IFT140: variants seen among roughly 807,000 people sequenced by gnomAD.
IFT140 encodes intraflagellar transport 140.
Under a neutral mutation model 164.6 loss-of-function variants are expected in IFT140, and 133 were observed. The observed-to-expected ratio is 0.81, with a 90% CI of 0.70 to 0.93. The LOEUF (loss-of-function observed/expected upper bound fraction) is 0.93. Among genes scored for constraint, IFT140 ranks in the 40% least tolerant of loss-of-function variants. The pLI is 0.00. For synonymous variants in IFT140, 860 were observed against 817.3 expected (o/e 1.05, Z -0.89); for missense variants, 2,045 against 1,972.3 (o/e 1.04, Z -0.70).
At chr16:1,534,187 C>A in intron 19 of IFT140, 1 of 1,541,280 alleles carries the variant, frequency 6.5e-7, no homozygotes, top group Non-Finnish European at 8.7e-7. Context: ...GTCCTCTAGC[C>A]ACCCCTAGCA....
chr16:1,554,930 G>A, intron 19 of IFT140: 1 of 1,614,210 alleles, frequency 6.2e-7, no homozygotes, highest in Non-Finnish European at 8.5e-7. Flanking sequence ...ACAAGAGGGA[G>A]GACTGCATGG....
chr16:1,580,723 C>G, intron 13 of IFT140, 36 bp downstream of exon 13: 2 of 1,415,018 alleles, frequency 1.4e-6, no homozygotes, highest in Non-Finnish European at 2.0e-6. Context: ...ATTTCAAACT[C>G]TGCTCTGGTT....
Position 1,510,952 on chromosome 16 carries a change from C to G in IFT140, c.4381G>C (p.Asp1461His), listed in dbSNP as rs201065562. ...DEEVVEEADD[D>H]P is the part of the protein sequence containing the mutation. The stretch of plus-strand genomic sequence containing the variant: ...CCTGGGGCCCAGGCCCCTCAGGGGT[C>G]GTCATCTGCCTCTTCCACCACCTCC... Residue 1461 changes from aspartate (D) to histidine (H), a missense_variant, in exon 31 of 31, where the codon GAC becomes CAC. By Grantham distance (81) the Asp-to-His change is moderately conservative (BLOSUM62 -1). Coordinates refer to ENST00000426508, the MANE Select transcript of IFT140 (RefSeq NM_014714.4). The G allele has an allele frequency of 1.9e-6, 3 of 1,611,316 alleles. No individual in the cohort carries two copies. The highest frequency in any genetic ancestry group is 2.2e-5 in the East Asian group (1 of 44,828).
intron 4 of IFT140, among the ~76,000 whole-genome samples, chr16:1,599,469 T>TG (rs1274621973): frequency 1.9e-5 from 1 of 52,310 alleles, no homozygotes; most frequent in Non-Finnish European, 3.5e-5. Context: ...GGGAGGGAGG[T>TG]GGGGGGGTCG....
chr16:1,525,295 C>A lies in IFT140; in HGVS notation c.2800G>T (p.Val934Leu). 2 of 1,612,830 alleles carry A rather than the reference C, an allele frequency of 1.2e-6. No homozygotes were observed. Among genetic ancestry groups the A allele is most frequent in the Non-Finnish European group, 8.5e-7 (1 of 1,179,968 alleles). The part of the protein sequence containing the change: ...YEKSDTHRFE[V>L]PRMLSEDLPS... ...AGGTCCTCCGACAGCATCCTGGGCA[C>A]CTCGAAGCGGTGCGTGTCCGACTTC... is the stretch of plus-strand genomic sequence containing the variant. The change falls in exon 22 of 31, where the codon GTG becomes TTG. Residue 934 changes from valine (V) to leucine (L), a missense_variant. Coordinates refer to ENST00000426508, the MANE Select transcript of IFT140 (RefSeq NM_014714.4).
intron 16 of IFT140, among the ~76,000 whole-genome samples, 170 bp downstream of exon 16, chr16:1,565,991 C>T (rs1464207035): frequency 6.6e-6 from 1 of 152,230 alleles, no homozygotes; most frequent in Non-Finnish European, 1.5e-5. Flanking sequence ...AGACTAAGAA[C>T]TCCAATCTAC....
At chr16:1,562,248 C>G in intron 17 of IFT140, 132 bp from the exon 18 acceptor site, 1 of 690,276 alleles carries the variant, frequency 1.4e-6, no homozygotes, top group African/African-American at 1.9e-5. Context: ...ATGGTGGGGT[C>G]GGGTGCTTTG....
rs560154115 is a variant in IFT140, at chr16:1,559,920, G to A, written c.2200-1786C>T. Among the ~76,000 whole-genome samples the A allele has an allele frequency of 1.4e-4, 21 of 152,330 alleles. No individual in the cohort carries two copies. In the South Asian group the frequency reaches 3.5e-3, roughly 26 times the overall value. On this transcript the variant is annotated intron_variant, in intron 18 of 30. Transcript: ENST00000426508. ...CTGCGTCATACACGCCTGCTCTCTG[G>A]AACAACAACTATGAGGAGTGGACGC...
At chr16:1,520,550 G>A (rs1207526053) in intron 27 of IFT140, 52 bp downstream of exon 27, 36 of 1,510,512 alleles carry the variant, frequency 2.4e-5, no homozygotes, top group Admixed American at 4.0e-5. Context: ...CAGGGGGCCC[G>A]CAGCCTAACT....
At chr16:1,570,487 A>G (rs759001997) in intron 14 of IFT140, among the ~76,000 whole-genome samples, 4 of 151,974 alleles carry the variant, frequency 2.6e-5, no homozygotes, top group Non-Finnish European at 5.9e-5. Flanking sequence ...TCTACCCTCC[A>G]TTTGCTCAGC....
chr16:1,534,813 A>G (rs2030900867), intron 19 of IFT140, among the ~76,000 whole-genome samples: 2 of 151,632 alleles, frequency 1.3e-5, no homozygotes, highest in Admixed American at 1.3e-4. Flanking sequence ...TTACACAGGA[A>G]TTCATCTCAG....
intron 13 of IFT140, among the ~76,000 whole-genome samples, chr16:1,574,048 T>A (rs2034149513): frequency 1.3e-5 from 2 of 152,170 alleles, no homozygotes; most frequent in South Asian, 4.1e-4. Flanking sequence ...CCTGATAAGC[T>A]GCCGCAGACC....
chr16:1,580,694 G>C (rs2034510630), intron 13 of IFT140, 65 bp downstream of exon 13: 2 of 1,066,776 alleles, frequency 1.9e-6, no homozygotes, highest in African/African-American at 1.6e-5. Context: ...AACAGGCTTT[G>C]TCTCAATTGA....
At chr16:1,563,543 G>A (rs1309958586) in intron 17 of IFT140, among the ~76,000 whole-genome samples, 1 of 152,016 alleles carries the variant, frequency 6.6e-6, no homozygotes, top group Non-Finnish European at 1.5e-5. Flanking sequence ...TGCCATTCAG[G>A]TCAGACCAGA....
chr16:1,601,427 T>A (rs1055106253), intron 4 of IFT140, among the ~76,000 whole-genome samples: 4 of 151,846 alleles, frequency 2.6e-5, no homozygotes, highest in Non-Finnish European at 1.5e-5. Flanking sequence ...TTTCCTGGAG[T>A]GTGAGAACTC....
intron 26 of IFT140, among the ~76,000 whole-genome samples, chr16:1,522,890 C>A (rs1179781396): frequency 1.3e-5 from 2 of 152,110 alleles, no homozygotes; most frequent in African/African-American, 4.8e-5. Flanking sequence ...TAAAGCTAAG[C>A]ATTTTATATT....
intron 19 of IFT140, among the ~76,000 whole-genome samples, chr16:1,530,086 T>G (rs1250900662): frequency 6.6e-6 from 1 of 151,390 alleles, no homozygotes; most frequent in Non-Finnish European, 1.5e-5. Context: ...TTGTAAGACA[T>G]GCAGTCTTTT....
chr16:1,569,974 A>G (rs750681030), intron 14 of IFT140, among the ~76,000 whole-genome samples: 67 of 152,156 alleles, frequency 4.4e-4, no homozygotes, highest in Non-Finnish European at 6.3e-4. Flanking sequence ...TGTTGCTCCA[A>G]TTATTCCAGC....
At chr16:1,607,325 C>T in intron 2 of IFT140, 28 bp from the exon 3 acceptor site, 7 of 1,545,062 alleles carry the variant, frequency 4.5e-6, no homozygotes, top group Non-Finnish European at 6.1e-6. Flanking sequence ...TGACCAAGTC[C>T]AATCAGTTTT....
Sources: allele counts gnomAD v4.1 joint callset (sites outside exome capture counted in the v4.1 genomes callset), GRCh38; gene constraint gnomAD v4.1.1; transcripts MANE v1.5; gene names NCBI Gene and HGNC (gene_info 2026-07-23, HGNC 2026-07-21).